Variants in CTNNA3 observed in about 807,000 individuals in gnomAD.
CTNNA3 encodes the protein catenin alpha 3.
A neutral mutation model predicts 95.7 loss-of-function variants in CTNNA3; 76 were observed. The ratio of observed to expected loss-of-function variants is 0.79; its 90% CI spans 0.66 to 0.96. CTNNA3 has a LOEUF of 0.96. Ranked by LOEUF, CTNNA3 falls within the 40% of genes least tolerant of loss-of-function variation. CTNNA3 has a pLI of 0.00. For missense variants in CTNNA3, 1,191 were observed against 1,089.8 expected (o/e 1.09, Z -1.31); for synonymous variants, 431 against 374.4 (o/e 1.15, Z -1.74).
chr10:66,011,981 A>C (rs564012470), intron 15 of CTNNA3, among the ~76,000 whole-genome samples: 3 of 152,086 alleles, frequency 2.0e-5, no homozygotes, highest in Non-Finnish European at 4.4e-5. Context: ...TGAAAATGAC[A>C]CCCCAGTGGA....
chr10:67,713,214 C>T (rs889223596), intron 1 of CTNNA3, among the ~76,000 whole-genome samples: 8 of 152,168 alleles, frequency 5.3e-5, no homozygotes, highest in African/African-American at 1.7e-4. Flanking sequence ...TAGAGAAATG[C>T]AAATCAAAAC....
chr10:67,629,196 CCT>C (rs1325031927), intron 2 of CTNNA3, among the ~76,000 whole-genome samples: 1 of 152,056 alleles, frequency 6.6e-6, no homozygotes, highest in East Asian at 1.9e-4. Context: ...CTACAATTCC[CCT>C]GTGTTATGCA....
At chr10:65,956,540 C>T (rs1323618889) in intron 17 of CTNNA3, among the ~76,000 whole-genome samples, 2 of 152,072 alleles carry the variant, frequency 1.3e-5, no homozygotes, top group Non-Finnish European at 2.9e-5. Context: ...TATAAATTTC[C>T]CTCTACACAC....
At chr10:67,281,032 T>A (rs1839379873) in intron 5 of CTNNA3, among the ~76,000 whole-genome samples, 1 of 152,162 alleles carries the variant, frequency 6.6e-6, no homozygotes, top group African/African-American at 2.4e-5. Context: ...ACAGCAATTC[T>A]ACACATTTTT....
intron 3 of CTNNA3, among the ~76,000 whole-genome samples, chr10:67,543,848 A>T (rs1039292554): frequency 6.6e-6 from 1 of 152,188 alleles, no homozygotes. Context: ...GAAGAGGTAG[A>T]AGCTTGAATT....
intron 12 of CTNNA3, among the ~76,000 whole-genome samples, chr10:66,378,218 A>G (rs1213732358): frequency 6.6e-6 from 1 of 152,112 alleles, no homozygotes; most frequent in African/African-American, 2.4e-5. Flanking sequence ...TAAAAAAATG[A>G]CTCATCTTTG....
At chr10:67,248,417 TTTTG>T (rs1236396485) in intron 5 of CTNNA3, among the ~76,000 whole-genome samples, 18 of 152,044 alleles carry the variant, frequency 1.2e-4, no homozygotes, top group Admixed American at 1.3e-4. Context: ...TTTGTTTTTG[TTTTG>T]TTTGTTTGTT....
Position 66,380,761 on chromosome 10 carries a change from A to G in CTNNA3, c.1532-1409T>C, listed in dbSNP as rs150333914. On this transcript the variant is annotated intron_variant, in intron 11 of 17. Coordinates refer to ENST00000433211, the MANE Select transcript of CTNNA3 (RefSeq NM_013266.4). ...CCGGAATTACTGAGATCTTACTGTT[A>G]TAATTGTTTTCTGTGTGTGTTTTAA... 1.3e-3 allele frequency among the ~76,000 whole-genome samples: 198 copies of G among 152,012 alleles called. 2 individuals are homozygous for G. Among genetic ancestry groups the G allele is most frequent in the African/African-American group, 4.4e-3 (181 of 41,482 alleles).
intron 13 of CTNNA3, among the ~76,000 whole-genome samples, chr10:66,240,061 A>G (rs953785149): frequency 6.6e-6 from 1 of 152,016 alleles, no homozygotes; most frequent in Non-Finnish European, 1.5e-5. Flanking sequence ...AGTGTTAACA[A>G]ATACATTGCC....
intron 5 of CTNNA3, among the ~76,000 whole-genome samples, chr10:67,509,239 T>C (rs546419301): frequency 3.3e-5 from 5 of 151,818 alleles, no homozygotes; most frequent in African/African-American, 9.7e-5. Context: ...ATGTGCACAA[T>C]GTGCAGGTTT....
intron 7 of CTNNA3, among the ~76,000 whole-genome samples, chr10:67,148,172 T>A (rs935504194): frequency 1.3e-5 from 2 of 152,202 alleles, no homozygotes; most frequent in African/African-American, 4.8e-5. Context: ...AAATTGGATT[T>A]AGGACATACA....
chr10:67,650,527 C>G (rs995656862), intron 1 of CTNNA3, among the ~76,000 whole-genome samples: 4 of 152,168 alleles, frequency 2.6e-5, no homozygotes, highest in African/African-American at 9.7e-5. Flanking sequence ...TTCCCTTCTC[C>G]CCAAACTATC....
At chr10:66,356,718 T>C (rs61867314) in intron 12 of CTNNA3, among the ~76,000 whole-genome samples, 1 of 152,052 alleles carries the variant, frequency 6.6e-6, no homozygotes, top group African/African-American at 2.4e-5. Context: ...ATTCTTTTAC[T>C]GTTAAGAATG....
chr10:67,494,643 C>G (rs1453536637), intron 5 of CTNNA3, among the ~76,000 whole-genome samples: 4 of 152,158 alleles, frequency 2.6e-5, no homozygotes, highest in Non-Finnish European at 5.9e-5. Flanking sequence ...CTAGAACAAG[C>G]TACTAAATAG....
intron 13 of CTNNA3, among the ~76,000 whole-genome samples, chr10:66,111,886 CT>C (rs34076591): frequency 0.062 from 9,448 of 152,220 alleles, 382 homozygotes; most frequent in Non-Finnish European, 0.096. Flanking sequence ...CAATCTCAGA[CT>C]TTTCCTATGC....
chr10:66,154,060 C>T (rs978807103), intron 13 of CTNNA3, among the ~76,000 whole-genome samples: 2 of 151,784 alleles, frequency 1.3e-5, no homozygotes, highest in Non-Finnish European at 2.9e-5. Flanking sequence ...AAACCCATAC[C>T]TTTAAACACA....
At chr10:66,627,364 T>C (rs1844974611) in intron 9 of CTNNA3, among the ~76,000 whole-genome samples, 2 of 152,130 alleles carry the variant, frequency 1.3e-5, no homozygotes, top group African/African-American at 4.8e-5. Flanking sequence ...CCTGGGCATA[T>C]CCCTTACTTA....
chr10:67,647,168 A>G (rs926672314), intron 2 of CTNNA3, among the ~76,000 whole-genome samples: 9 of 137,242 alleles, frequency 6.6e-5, no homozygotes, highest in African/African-American at 1.8e-4. Context: ...ATATATATAT[A>G]TATATATATT....
At chr10:67,744,821 C>A (rs1238421575) in intron 1 of CTNNA3, among the ~76,000 whole-genome samples, 2 of 152,058 alleles carry the variant, frequency 1.3e-5, no homozygotes, top group Non-Finnish European at 2.9e-5. Context: ...AAACAAACAA[C>A]CCCATCAAAA....
Sources: allele counts gnomAD v4.1 joint callset (sites outside exome capture counted in the v4.1 genomes callset), GRCh38; gene constraint gnomAD v4.1.1; transcripts MANE v1.5; gene names NCBI Gene and HGNC (gene_info 2026-07-23, HGNC 2026-07-21).